Variants in CERS3 observed in about 807,000 individuals in gnomAD.
CERS3 encodes ceramide synthase 3.
CERS3 carries 33 observed loss-of-function variants against 50.3 expected under a neutral mutation model. The observed-to-expected ratio is 0.66, with a 90% CI of 0.50 to 0.88. The LOEUF (loss-of-function observed/expected upper bound fraction) is 0.88, where lower values mean the gene tolerates loss of function less well. Ranked by LOEUF, CERS3 falls within the 40% of genes least tolerant of loss-of-function variation. The pLI is 0.00. For synonymous variants in CERS3, 176 were observed against 155.2 expected, an observed-to-expected ratio of 1.13 and a Z score of -0.99; for missense variants, 470 against 460.3, an observed-to-expected ratio of 1.02 and a Z score of -0.19.
At chr15:100,450,921 A>G (rs997329832) in intron 11 of CERS3, among the ~76,000 whole-genome samples, 11 of 151,958 alleles carry the variant, frequency 7.2e-5, no homozygotes, top group African/African-American at 1.9e-4. Context: ...GGAGGGGGGG[A>G]ACCTGTTAGC....
chr15:100,425,318 C>T (rs747427426), intron 11 of CERS3, among the ~76,000 whole-genome samples: 7 of 152,212 alleles, frequency 4.6e-5, no homozygotes, highest in Non-Finnish European at 1.0e-4. Context: ...AAGCCACAGG[C>T]ACGCAACACC....
At chr15:100,427,714 G>T (rs2032901799) in intron 11 of CERS3, among the ~76,000 whole-genome samples, 2 of 152,210 alleles carry the variant, frequency 1.3e-5, no homozygotes, top group Admixed American at 1.3e-4. Flanking sequence ...AAAGCCGAAT[G>T]AAATTTTTCA....
chr15:100,502,609 A>G (rs745811229), intron 2 of CERS3, among the ~76,000 whole-genome samples: 16 of 152,240 alleles, frequency 1.1e-4, no homozygotes, highest in Non-Finnish European at 2.2e-4. Context: ...AGGGGCAGGC[A>G]CGTTTCACTT....
chr15:100,424,475 T>C (rs1357172252), intron 11 of CERS3, among the ~76,000 whole-genome samples: 1 of 152,126 alleles, frequency 6.6e-6, no homozygotes, highest in Non-Finnish European at 1.5e-5. Flanking sequence ...ATAGGGACAG[T>C]GAAGTCCAAG....
At chr15:100,518,733 C>T (rs2036561195) in intron 2 of CERS3, among the ~76,000 whole-genome samples, 2 of 152,222 alleles carry the variant, frequency 1.3e-5, no homozygotes, top group African/African-American at 2.4e-5. Flanking sequence ...ATTATCAGCT[C>T]CTTTTCCCTG....
At chr15:100,517,432 A>G (rs533968021) in intron 2 of CERS3, among the ~76,000 whole-genome samples, 1 of 152,146 alleles carries the variant, frequency 6.6e-6, no homozygotes, top group South Asian at 2.1e-4. Context: ...TTTCTGAGGG[A>G]TAGTGTCTTT....
At chr15:100,450,416 C>CAAAAAAAAAAAAAAAAAA (rs34873483) in intron 11 of CERS3, among the ~76,000 whole-genome samples, 2 of 63,428 alleles carry the variant, frequency 3.2e-5, no homozygotes, top group Non-Finnish European at 2.8e-5. Context: ...GACTCTGTCT[C>CAAAAAAAAAAAAAAAAAA]AAAAAAAAAA....
intron 11 of CERS3, among the ~76,000 whole-genome samples, chr15:100,429,425 T>G (rs2032999481): frequency 6.6e-6 from 1 of 152,150 alleles, no homozygotes; most frequent in Admixed American, 6.5e-5. Flanking sequence ...GACCTTTAAG[T>G]GTCTTCTAAT....
At chr15:100,457,087 A>G (rs2034398995) in intron 10 of CERS3, among the ~76,000 whole-genome samples, 1 of 152,110 alleles carries the variant, frequency 6.6e-6, no homozygotes, top group Non-Finnish European at 1.5e-5. Context: ...TTCATGTAAC[A>G]TTGGGGAAAC....
At chr15:100,499,401 C>G (rs1451613087) in intron 3 of CERS3, among the ~76,000 whole-genome samples, 2 of 152,136 alleles carry the variant, frequency 1.3e-5, no homozygotes, top group Non-Finnish European at 2.9e-5. Flanking sequence ...ACATAAGACA[C>G]AAACTATAAC....
Position 100,429,765 on chromosome 15 carries a change from AT to A in CERS3, c.999+26127del, listed in dbSNP as rs1221251512. ...CACCATCTGTGTTTCTTAAATAAAC[AT>A]ACTTATCCACAGCCATCACCCCGTA... On this transcript the variant is annotated intron_variant, in intron 11 of 11. Coordinates refer to ENST00000679737, the MANE Select transcript of CERS3 (RefSeq NM_001378789.1). Among the ~76,000 whole-genome samples the A allele has an allele frequency of 7.2e-5, 11 of 152,300 alleles. No homozygotes were observed. In the East Asian group the frequency reaches 1.9e-3, roughly 27 times the overall value.
chr15:100,463,047 A>G (rs535699765), intron 10 of CERS3, among the ~76,000 whole-genome samples: 38 of 152,356 alleles, frequency 2.5e-4, no homozygotes, highest in Admixed American at 2.2e-3. Context: ...ACAAATATGT[A>G]TATTCATACA....
rs1423384225 is a variant in CERS3, at chr15:100,402,784, C to A, written c.1081G>T (p.Glu361Ter). The change falls in exon 12 of 12, where the codon GAG (glutamate) becomes TAG (stop). Residue 361 changes from glutamate (E) to a stop codon, truncating the protein, a stop_gained. Transcript: ENST00000679737. LOFTEE classifies it high-confidence loss of function. ...EEEEEATKGK[E>*]MDCLKNGLRA... ...AGGCCGTTCTTTAAACAATCCATCT[C>A]TTTGCCTTTGGTAGCCTCTTCTTCT... is the stretch of plus-strand genomic sequence containing the variant. 6.2e-7 allele frequency: 1 copy of A among 1,614,236 alleles called. No individual in the cohort carries two copies. The highest frequency in any genetic ancestry group is 1.7e-5 in the Admixed American group (1 of 60,028).
At chr15:100,424,032 C>T (rs1052624725) in intron 11 of CERS3, among the ~76,000 whole-genome samples, 2 of 151,716 alleles carry the variant, frequency 1.3e-5, no homozygotes, top group Non-Finnish European at 2.9e-5. Context: ...ACCTCCACCT[C>T]CCGAGTTTAA....
At chr15:100,417,116 TC>T (rs1466622448) in intron 11 of CERS3, among the ~76,000 whole-genome samples, 1 of 152,086 alleles carries the variant, frequency 6.6e-6, no homozygotes, top group African/African-American at 2.4e-5. Context: ...GGTCTACAGC[TC>T]CCAGCGTGAG....
intron 10 of CERS3, among the ~76,000 whole-genome samples, chr15:100,466,804 C>CCTCT (rs1367117405): frequency 0.054 from 616 of 11,396 alleles, 18 homozygotes; most frequent in Non-Finnish European, 0.11. Context: ...TCCCTCCCTC[C>CCTCT]CTCCCTCCCT....
At chr15:100,449,852 C>T (rs1234480063) in intron 11 of CERS3, among the ~76,000 whole-genome samples, 1 of 152,010 alleles carries the variant, frequency 6.6e-6, no homozygotes, top group Non-Finnish European at 1.5e-5. Flanking sequence ...AAATCTAATA[C>T]CTTCAAAAAA....
At chr15:100,544,358 T>TCC (rs1567697113) in intron 1 of CERS3, 8 of 151,254 alleles carry the variant, frequency 5.3e-5, no homozygotes, top group South Asian at 2.0e-4. Flanking sequence ...GGCCTTGACC[T>TCC]GCGCGGGGAC....
At chr15:100,456,389 G>A (rs2034373522) in intron 10 of CERS3, among the ~76,000 whole-genome samples, 1 of 152,120 alleles carries the variant, frequency 6.6e-6, no homozygotes, top group African/African-American at 2.4e-5. Flanking sequence ...GGATTTTGAA[G>A]AACAAATAAG....
Sources: allele counts gnomAD v4.1 joint callset (sites outside exome capture counted in the v4.1 genomes callset), GRCh38; gene constraint gnomAD v4.1.1; transcripts MANE v1.5; gene names NCBI Gene and HGNC (gene_info 2026-07-23, HGNC 2026-07-21).